The following NCKAP5 variants were observed in gnomAD, a reference collection of about 807,000 sequenced individuals.
NCKAP5 encodes nck-associated protein 5.
NCKAP5 carries 92 observed loss-of-function variants against 167.0 expected under a neutral mutation model. The ratio of observed to expected loss-of-function variants is 0.55; its 90% CI spans 0.47 to 0.66. The LOEUF is 0.66. Ranked by LOEUF, NCKAP5 falls within the 30% of genes least tolerant of loss-of-function variation. NCKAP5 has a pLI of 0.00. For missense variants in NCKAP5, 2,378 were observed against 2,315.0 expected, an observed-to-expected ratio of 1.03 and a Z score of -0.56; for synonymous variants, 891 against 877.4, an observed-to-expected ratio of 1.02 and a Z score of -0.27.
the NCKAP5 span, among the ~76,000 whole-genome samples, chr2:133,583,888 G>C: frequency 6.6e-6 from 1 of 152,066 alleles, no homozygotes; most frequent in Non-Finnish European, 1.5e-5. Flanking sequence ...CGAGTAGCTG[G>C]GACTACAGGC....
intron 3 of NCKAP5, among the ~76,000 whole-genome samples, chr2:133,376,960 T>C (rs1388493115): frequency 6.6e-6 from 1 of 152,130 alleles, no homozygotes; most frequent in East Asian, 1.9e-4. Flanking sequence ...CCAAAAGAAA[T>C]TGTAAGTAGT....
intron 7 of NCKAP5, among the ~76,000 whole-genome samples, chr2:132,969,338 C>A (rs1209464912): frequency 6.6e-6 from 1 of 152,086 alleles, no homozygotes; most frequent in Non-Finnish European, 1.5e-5. Context: ...TGCGCCCATC[C>A]CCCTGTAAAA....
chr2:133,063,566 GC>G (rs1272769507), intron 6 of NCKAP5, among the ~76,000 whole-genome samples: 2 of 152,190 alleles, frequency 1.3e-5, no homozygotes, highest in Non-Finnish European at 2.9e-5. Context: ...AAGCTGAGAA[GC>G]TCTGTGACTA....
chr2:133,357,032 A>C (rs1217452722), intron 3 of NCKAP5, among the ~76,000 whole-genome samples: 3 of 152,162 alleles, frequency 2.0e-5, no homozygotes, highest in Admixed American at 2.0e-4. Context: ...TAATTGTTTC[A>C]ATTTGACTGA....
rs569040550 is a variant in NCKAP5, at chr2:133,189,373, C to T, written c.207+24343G>A. On this transcript the variant is annotated intron_variant, in intron 5 of 19. Coordinates refer to ENST00000409261, the MANE Select transcript of NCKAP5 (RefSeq NM_207363.3). ...CAGAGGTACAAAGAGGAGCTGGTAC[C>T]GTTCCTTCTGAAACTATTCCAATCA... 1.1e-4 allele frequency among the ~76,000 whole-genome samples: 17 copies of T among 152,292 alleles called. 1 individual carries two copies. The South Asian group carries it at 1.2e-3, about 11-fold the overall frequency.
chr2:133,669,776 C>T, the NCKAP5 span, among the ~76,000 whole-genome samples: 5 of 152,230 alleles, frequency 3.3e-5, no homozygotes, highest in Middle Eastern at 3.4e-3. Context: ...AAAATTACTA[C>T]CTTGTGTATA....
In NCKAP5 at chr2:132,783,422, C is replaced by T. The variant is rs745639632; in HGVS notation, c.3389G>A (p.Ser1130Asn). 1 of 1,588,338 alleles carries T rather than the reference C, an allele frequency of 6.3e-7. No homozygotes were observed. The highest frequency in any genetic ancestry group is 8.6e-7 in the Non-Finnish European group (1 of 1,167,658). The change falls in exon 14 of 20, where the codon AGC becomes AAC. Residue 1130 changes from serine to asparagine, a missense_variant. This residue lies in a region of NCKAP5 where 1,325 missense variants were observed against 1,274.5 expected (regional missense o/e 1.04). Transcript: ENST00000409261. ...ATGAGCACTTTGACAACCATGAGGG[C>T]TGTTATGGCTTTTGGCGGGTGATGA... Reference protein sequence around the residue: ...SSSSPAKSHNSPHGCQSAHEK... With the variant: ...SSSSPAKSHNNPHGCQSAHEK...
At chr2:133,246,800 A>T (rs2088021657) in intron 4 of NCKAP5, among the ~76,000 whole-genome samples, 1 of 152,206 alleles carries the variant, frequency 6.6e-6, no homozygotes, top group Non-Finnish European at 1.5e-5. Flanking sequence ...CTATGCCCAA[A>T]TAACATTAAA....
chr2:132,938,963 G>GT (rs1226820657), intron 8 of NCKAP5, among the ~76,000 whole-genome samples: 1 of 152,056 alleles, frequency 6.6e-6, no homozygotes, highest in Non-Finnish European at 1.5e-5. Context: ...TTTTTTAGAG[G>GT]TTTTCAATTG....
chr2:133,325,171 T>C (rs969307680), intron 3 of NCKAP5, among the ~76,000 whole-genome samples: 4 of 152,192 alleles, frequency 2.6e-5, no homozygotes, highest in Non-Finnish European at 5.9e-5. Flanking sequence ...AGGAAGGCAC[T>C]GGAATGCAGA....
At chr2:133,276,365 T>C (rs1294198375) in intron 4 of NCKAP5, among the ~76,000 whole-genome samples, 2 of 152,108 alleles carry the variant, frequency 1.3e-5, no homozygotes, top group East Asian at 1.9e-4. Context: ...AACTCCTATG[T>C]TGTTCAAGGG....
chr2:133,205,465 A>G (rs943693101), intron 5 of NCKAP5, among the ~76,000 whole-genome samples: 1 of 152,120 alleles, frequency 6.6e-6, no homozygotes, highest in Non-Finnish European at 1.5e-5. Flanking sequence ...AAGGTTTTTC[A>G]TTCTGTTCTC....
the NCKAP5 span, among the ~76,000 whole-genome samples, chr2:133,653,519 A>T: frequency 6.6e-6 from 1 of 152,254 alleles, no homozygotes; most frequent in Non-Finnish European, 1.5e-5. Flanking sequence ...AAAAATAAAC[A>T]TGAGTCTATC....
chr2:133,136,701 G>A (rs2082798751), intron 5 of NCKAP5, among the ~76,000 whole-genome samples: 1 of 152,188 alleles, frequency 6.6e-6, no homozygotes, highest in South Asian at 2.1e-4. Context: ...GGTAAGAAAT[G>A]AATAGAGGCC....
Position 132,741,880 on chromosome 2 carries a change from T to A in NCKAP5, c.5129-9829A>T, listed in dbSNP as rs113905219. Among the ~76,000 whole-genome samples, 397 of 152,216 alleles carry A rather than the reference T, an allele frequency of 2.6e-3. 1 individual carries two copies. The highest frequency in any genetic ancestry group is 9.2e-3 in the African/African-American group (383 of 41,572). On this transcript the variant is annotated intron_variant, in intron 16 of 19. Transcript: ENST00000409261. ...CCCCAATCTAATTACAATTTAGCTA[T>A]CTGTTGGTATCTCCTTTTAACCCAC...
intron 6 of NCKAP5, among the ~76,000 whole-genome samples, chr2:133,120,176 G>A (rs533964153): frequency 2.8e-4 from 43 of 152,312 alleles, no homozygotes; most frequent in African/African-American, 9.9e-4. Context: ...AAAGAATTCT[G>A]AAACACAGTT....
chr2:133,470,697 A>C (rs192654830), intron 3 of NCKAP5, among the ~76,000 whole-genome samples: 64 of 152,334 alleles, frequency 4.2e-4, no homozygotes, highest in African/African-American at 1.5e-3. Flanking sequence ...AGCCAGGTGC[A>C]GGATATAATC....
At chr2:133,361,982 T>C (rs1054634822) in intron 3 of NCKAP5, among the ~76,000 whole-genome samples, 3 of 151,380 alleles carry the variant, frequency 2.0e-5, no homozygotes, top group African/African-American at 7.3e-5. Context: ...AATCAAGGAA[T>C]TGAGAGAAGC....
intron 2 of NCKAP5, among the ~76,000 whole-genome samples, chr2:133,547,890 C>G (rs1035302836): frequency 1.4e-5 from 2 of 147,734 alleles, no homozygotes; most frequent in African/African-American, 5.0e-5. Context: ...ATGACTTTGA[C>G]GAGCTGAGAG....
Sources: gnomAD v4.1 joint callset for allele counts (sites outside exome capture counted in the v4.1 genomes callset) on GRCh38, gnomAD v4.1.1 for gene constraint, gnomAD v4.1.1 regional missense constraint, MANE v1.5 for transcripts, NCBI Gene and HGNC (gene_info 2026-07-23, HGNC 2026-07-21) for gene names.